The following HABP2 variants were observed in gnomAD, a reference collection of about 807,000 sequenced individuals.
HABP2 encodes factor VII-activating protease.
Under a neutral mutation model 66.5 loss-of-function variants are expected in HABP2, and 65 were observed. The ratio of observed to expected loss-of-function variants is 0.98; its 90% confidence interval spans 0.80 to 1.20. The LOEUF (loss-of-function observed/expected upper bound fraction) is 1.20, where lower values mean the gene tolerates loss of function less well. Among genes scored for constraint, HABP2 ranks in the 50% most tolerant of loss-of-function variants. HABP2 has a pLI of 0.00. For missense variants in HABP2, 786 were observed against 691.0 expected (o/e 1.14, Z -1.54); for synonymous variants, 263 against 253.9 (o/e 1.04, Z -0.34).
intron 7 of HABP2, among the ~76,000 whole-genome samples, chr10:113,579,969 G>A (rs1845490507): frequency 6.6e-6 from 1 of 152,050 alleles, no homozygotes; most frequent in African/African-American, 2.4e-5. Context: ...TTTTAGTAGA[G>A]ATGGGTTTCA....
intron 11 of HABP2, among the ~76,000 whole-genome samples, chr10:113,585,008 C>T (rs1003684301): frequency 1.3e-5 from 2 of 152,206 alleles, no homozygotes; most frequent in East Asian, 1.9e-4. Context: ...TCTCTTCCTT[C>T]GCAAATCCTG....
intron 3 of HABP2, among the ~76,000 whole-genome samples, chr10:113,575,343 T>C (rs1016285741): frequency 5.3e-5 from 8 of 152,102 alleles, no homozygotes; most frequent in Non-Finnish European, 1.2e-4. Flanking sequence ...ACTGAACAAG[T>C]AGTTGAAGAA....
At chr10:113,565,907 A>G (rs1047342530) in intron 1 of HABP2, among the ~76,000 whole-genome samples, 6 of 152,200 alleles carry the variant, frequency 3.9e-5, no homozygotes, top group African/African-American at 1.4e-4. Flanking sequence ...CATGTTCCTC[A>G]TGAGTAAATT....
At chr10:113,566,593 G>C (rs1038892063) in intron 1 of HABP2, among the ~76,000 whole-genome samples, 2 of 152,232 alleles carry the variant, frequency 1.3e-5, no homozygotes, top group African/African-American at 4.8e-5. Flanking sequence ...GACAGAGTCT[G>C]ATGTGAGAGA....
At chr10:113,586,325 C>T (rs1247253232) in intron 12 of HABP2, among the ~76,000 whole-genome samples, 3 of 152,200 alleles carry the variant, frequency 2.0e-5, no homozygotes, top group Non-Finnish European at 4.4e-5. Context: ...CTTGTGGCCT[C>T]AGTGTAGGGC....
chr10:113,583,696 C>T (rs182788064), intron 10 of HABP2, among the ~76,000 whole-genome samples: 3 of 152,316 alleles, frequency 2.0e-5, no homozygotes, highest in Admixed American at 2.0e-4. Context: ...AACACTGATG[C>T]ACAACTCTCA....
chr10:113,580,176 G>T (rs913042782), intron 7 of HABP2, among the ~76,000 whole-genome samples: 3 of 143,490 alleles, frequency 2.1e-5, no homozygotes, highest in African/African-American at 5.1e-5. Context: ...GCGGGGGGAG[G>T]GGGGGCCTCT....
At chr10:113,579,828 G>C (rs1393613248) in intron 7 of HABP2, among the ~76,000 whole-genome samples, 1 of 151,866 alleles carries the variant, frequency 6.6e-6, no homozygotes, top group Non-Finnish European at 1.5e-5. Context: ...TGTCACCCAG[G>C]CTAGAGTGCA....
In HABP2 at chr10:113,589,117, TC is replaced by T. The variant is rs777331071; in HGVS notation, c.*753del. On this transcript the variant is annotated 3_prime_UTR_variant, in exon 13 of 13. Transcript: ENST00000351270. ...AACATACCCCAAGTTAAAATGAAGC[TC>T]CCCCACCCCCACTCCCGGCCCCGGT... 9.6e-6 allele frequency: 15 copies of T among 1,562,688 alleles called. No individual in the cohort carries two copies. The highest frequency in any genetic ancestry group is 3.8e-4 in the Middle Eastern group (2 of 5,266).
chr10:113,584,398 A>T, intron 11 of HABP2, 116 bp downstream of exon 11: 1 of 849,528 alleles, frequency 1.2e-6, no homozygotes. Flanking sequence ...AAATGCATCA[A>T]CCAAAGAAAG....
In HABP2 at chr10:113,589,005, G is replaced by A. The variant is rs748831618; in HGVS notation, c.*636G>A. On this transcript the variant is annotated 3_prime_UTR_variant, in exon 13 of 13. Transcript: ENST00000351270. The stretch of plus-strand genomic sequence containing the variant: ...ACAGCAGGGCCTTCTTCTTTTTGAC[G>A]TGCAGAATCTCAGTGGCATCTGGGT... 14 of 1,613,708 alleles carry A rather than the reference G, an allele frequency of 8.7e-6. No individual in the cohort carries two copies. Among genetic ancestry groups the A allele is most frequent in the East Asian group, 2.2e-5 (1 of 44,862 alleles).
In HABP2 at chr10:113,582,036, C is replaced by T. The variant is rs1004002609; in HGVS notation, c.999C>T (p.Ser333=). Residue 333 remains serine (S), a synonymous_variant, in exon 9 of 13, where the codon TCC becomes TCT. Coordinates refer to ENST00000351270, the MANE Select transcript of HABP2 (RefSeq NM_004132.5). ...GKHPWQASLQ[S]SLPLTISMPQ... is the part of the protein sequence containing the mutation. ...ACCCATGGCAGGCGTCCCTCCAGTCCTCGCTGCCTCTGACCATCTCCATGC... is the reference window on the plus strand; with the variant it reads ...ACCCATGGCAGGCGTCCCTCCAGTCTTCGCTGCCTCTGACCATCTCCATGC... 2.5e-6 allele frequency: 4 copies of T among 1,613,984 alleles called. No homozygotes were observed. Among genetic ancestry groups the T allele is most frequent in the Admixed American group, 3.3e-5 (2 of 60,036 alleles).
At position 113,564,174 on chromosome 10, in the gene HABP2, G is replaced by A. The variant is rs374827813; in HGVS notation, c.70-3315G>A. Reference sequence around the variant, plus strand: ...AAAACAGTGTATGCAGGGGAACTGCGCATTATAAAACCATCAGATCTCCTG... The same window carrying A: ...AAAACAGTGTATGCAGGGGAACTGCACATTATAAAACCATCAGATCTCCTG... On this transcript the variant is annotated intron_variant, in intron 1 of 12. Coordinates refer to ENST00000351270, the MANE Select transcript of HABP2 (RefSeq NM_004132.5). 1.2e-3 allele frequency among the ~76,000 whole-genome samples: 185 copies of A among 152,210 alleles called. 4 individuals carry two copies. In the South Asian group the frequency reaches 0.023, roughly 19 times the overall value.
chr10:113,580,124 C>T (rs950893792), intron 7 of HABP2, among the ~76,000 whole-genome samples: 4 of 149,700 alleles, frequency 2.7e-5, no homozygotes, highest in Admixed American at 2.0e-4. Context: ...TTTCCACTTG[C>T]ACTCACCTTG....
chr10:113,555,693 G>A (rs1416464380), intron 1 of HABP2, among the ~76,000 whole-genome samples: 1 of 152,112 alleles, frequency 6.6e-6, no homozygotes, highest in African/African-American at 2.4e-5. Flanking sequence ...TCTACTCGAG[G>A]TTTGGTTTTC....
intron 1 of HABP2, among the ~76,000 whole-genome samples, chr10:113,555,101 C>A (rs769477921): frequency 5.3e-5 from 8 of 152,220 alleles, no homozygotes; most frequent in Non-Finnish European, 1.2e-4. Context: ...CAGCCCCACA[C>A]AGCTAAAAGT....
In HABP2 at chr10:113,574,305, G is replaced by A. The variant is rs943468514; in HGVS notation, c.123G>A (p.Gln41=). Residue 41 remains glutamine, a synonymous_variant, in exon 3 of 13, where the codon CAG becomes CAA. Coordinates refer to ENST00000351270, the MANE Select transcript of HABP2 (RefSeq NM_004132.5). ...ESLDPDWTPD[Q]YDYSYEDYNQ... ...TCCCTGCAGACTGGACCCCTGACCA[G>A]TATGATTACAGCTACGAGGATTATA... The A allele has an allele frequency of 5.0e-6, 8 of 1,591,996 alleles. No individual in the cohort carries two copies. In the African/African-American group the frequency reaches 8.0e-5, roughly 16 times the overall value.
chr10:113,558,870 T>C (rs1845048865), intron 1 of HABP2, among the ~76,000 whole-genome samples: 1 of 152,140 alleles, frequency 6.6e-6, no homozygotes, highest in Non-Finnish European at 1.5e-5. Flanking sequence ...TTTTTTTTTT[T>C]CTTAGACGGA....
intron 11 of HABP2, among the ~76,000 whole-genome samples, chr10:113,584,900 G>A (rs1845604628): frequency 6.6e-6 from 1 of 152,108 alleles, no homozygotes; most frequent in Non-Finnish European, 1.5e-5. Context: ...AGTAACCAAA[G>A]GATTACTTTC....
Sources: allele counts gnomAD v4.1 joint callset (sites outside exome capture counted in the v4.1 genomes callset), GRCh38; gene constraint gnomAD v4.1.1; transcripts MANE v1.5; gene names NCBI Gene and HGNC (gene_info 2026-07-23, HGNC 2026-07-21).